THAP5: variants seen among roughly 807,000 people sequenced by gnomAD.
THAP5 encodes THAP domain-containing protein 5.
In THAP5, 26 loss-of-function variants were observed where a neutral mutation model predicts 34.0. The ratio of observed to expected loss-of-function variants is 0.77; its 90% CI spans 0.56 to 1.06. The LOEUF is 1.06. THAP5 is among the 50% of genes least tolerant of loss of function. THAP5 has a pLI of 0.00. For missense variants in THAP5, 394 were observed against 452.8 expected (o/e 0.87, Z 1.18); for synonymous variants, 125 against 153.0 (o/e 0.82, Z 1.35).
chr7:108,555,502 G>T (rs990512405), intron 1 of THAP5, among the ~76,000 whole-genome samples: 1 of 151,714 alleles, frequency 6.6e-6, no homozygotes, highest in Non-Finnish European at 1.5e-5. Context: ...TCTTTCAAAG[G>T]AAAAAGACAG....
the THAP5 span, among the ~76,000 whole-genome samples, chr7:108,545,065 T>C: frequency 9.8e-5 from 15 of 152,360 alleles, no homozygotes; most frequent in South Asian, 8.3e-4. Context: ...ATATTTAGTT[T>C]TATTTTTGTC....
At chr7:108,554,930 A>C (rs1045851113) in intron 1 of THAP5, 1 of 152,250 alleles carries the variant, frequency 6.6e-6, no homozygotes, top group Non-Finnish European at 1.5e-5. Context: ...GATTTCAAAC[A>C]TGATCAAAAT....
the THAP5 span, among the ~76,000 whole-genome samples, chr7:108,544,232 A>C: frequency 1.3e-5 from 2 of 152,132 alleles, no homozygotes; most frequent in Non-Finnish European, 2.9e-5. Context: ...CTTCTAAATA[A>C]AGAAGGACAT....
At chr7:108,551,550 A>G (rs1305834432), downstream of THAP5, among the ~76,000 whole-genome samples, 1 of 152,220 alleles carries the variant, frequency 6.6e-6, no homozygotes, top group East Asian at 1.9e-4. Flanking sequence ...GCATTCTGTT[A>G]TAGCAGTAGA....
At position 108,564,143 on chromosome 7, in the gene THAP5, G is replaced by C. The variant is rs745651772; in HGVS notation, c.*48C>G. On this transcript the variant is annotated 3_prime_UTR_variant, in exon 3 of 3. Transcript: ENST00000415914. ...GTTCACTTTACATGTAGTTTGGTTT[G>C]GCTGGAAAAAGCTTATTTAACAGCC... The C allele has an allele frequency of 5.6e-6, 8 of 1,431,636 alleles. No individual in the cohort carries two copies. Among genetic ancestry groups the C allele is most frequent in the Non-Finnish European group, 7.5e-6 (8 of 1,059,656 alleles). 88.7% of individuals were successfully genotyped at this position (1,431,636 alleles called of 1,614,324 possible).
In THAP5 at chr7:108,564,593, T is replaced by A. The variant is rs1171095006; in HGVS notation, c.786A>T (p.Glu262Asp). The A allele has an allele frequency of 6.2e-7, 1 of 1,613,830 alleles. No homozygotes were observed. Among genetic ancestry groups the A allele is most frequent in the Non-Finnish European group, 8.5e-7 (1 of 1,179,922 alleles). The change falls in exon 3 of 3, where the codon GAA becomes GAT. Residue 262 changes from glutamate to aspartate, a missense_variant. Physicochemically the swap from Glu to Asp is conservative, Grantham distance 45 (BLOSUM62 2). Coordinates refer to ENST00000415914, the MANE Select transcript of THAP5 (RefSeq NM_001130475.3). ...FLFSTINQTV[E>D]ELNTNKESVI... ...CAGATTCTTTATTTGTGTTTAATTC[T>A]TCAACTGTTTGATTAATTGTGCTGA... is the stretch of plus-strand genomic sequence containing the variant.
chr7:108,554,061 C>T (rs1248534721), downstream of THAP5, among the ~76,000 whole-genome samples: 5 of 152,068 alleles, frequency 3.3e-5, 1 homozygote, highest in East Asian at 9.6e-4. Context: ...GAGTTTGGCC[C>T]CCTAACTTTC....
chr7:108,547,827 C>T, the THAP5 span, among the ~76,000 whole-genome samples: 4 of 152,032 alleles, frequency 2.6e-5, no homozygotes, highest in Non-Finnish European at 4.4e-5. Context: ...TGATAAAATA[C>T]GTAAAGAGCT....
downstream of THAP5, among the ~76,000 whole-genome samples, chr7:108,558,381 G>GTATATATATGTATATA (rs1864401842): frequency 1.1e-5 from 1 of 93,824 alleles, no homozygotes; most frequent in African/African-American, 4.6e-5. Flanking sequence ...GTGTGTGTAT[G>GTATATATATGTATATA]TATATATATA....
the THAP5 span, among the ~76,000 whole-genome samples, chr7:108,542,404 A>G: frequency 1.3e-5 from 2 of 152,134 alleles, no homozygotes; most frequent in African/African-American, 4.8e-5. Flanking sequence ...TATATTTCAC[A>G]ATTTCCCTGG....
the THAP5 span, among the ~76,000 whole-genome samples, chr7:108,544,647 G>GTAAT: frequency 5.6e-4 from 85 of 151,804 alleles, no homozygotes; most frequent in East Asian, 1.4e-3. Flanking sequence ...AAATTCTTTA[G>GTAAT]TAATTAATTA....
At chr7:108,542,637 T>A in the THAP5 span, among the ~76,000 whole-genome samples, 1 of 151,830 alleles carries the variant, frequency 6.6e-6, no homozygotes, top group Non-Finnish European at 1.5e-5. Flanking sequence ...TAATTTTTGT[T>A]TTATTGGTAG....
At chr7:108,569,243 T>C in intron 1 of THAP5, 2 of 1,383,054 alleles carry the variant, frequency 1.4e-6, no homozygotes, top group Middle Eastern at 2.7e-4. Context: ...CGCGCAAACT[T>C]TACTGTTTTA....
chr7:108,554,075 C>G (rs538953760), downstream of THAP5, among the ~76,000 whole-genome samples: 4 of 152,298 alleles, frequency 2.6e-5, no homozygotes, highest in South Asian at 8.3e-4. Flanking sequence ...AACTTTCCCT[C>G]TCTTTGCCAT....
chr7:108,555,632 G>A (rs1162078203), intron 1 of THAP5, among the ~76,000 whole-genome samples: 1 of 151,966 alleles, frequency 6.6e-6, no homozygotes, highest in Non-Finnish European at 1.5e-5. Context: ...TGTATAGGAA[G>A]CATGGTTGAG....
downstream of THAP5, among the ~76,000 whole-genome samples, chr7:108,558,009 G>A (rs1227510249): frequency 6.6e-6 from 1 of 152,032 alleles, no homozygotes. Flanking sequence ...TCTTCACTTG[G>A]TGGAGTGGGA....
In THAP5 at chr7:108,564,739, T is replaced by G; in HGVS notation, c.640A>C (p.Ser214Arg). The part of the protein sequence containing the change: ...TITLTTSNSE[S>R]IHQSLETQEV... Reference sequence around the variant, plus strand: ...TGAGTTTCCAAAGATTGATGAATACTTTCTGAATTTGAAGTTGTCAAAGTA... The same window carrying G: ...TGAGTTTCCAAAGATTGATGAATACGTTCTGAATTTGAAGTTGTCAAAGTA... Residue 214 changes from serine (S) to arginine (R), a missense_variant, in exon 3 of 3, where the codon AGT becomes CGT. Ser to Arg is a moderately radical substitution (Grantham distance 110). Transcript: ENST00000415914. 1 of 1,613,508 alleles carries G rather than the reference T, an allele frequency of 6.2e-7. No individual in the cohort carries two copies. Among genetic ancestry groups the G allele is most frequent in the South Asian group, 1.1e-5 (1 of 91,054 alleles).
At position 108,562,255 on chromosome 7, in the gene THAP5, G is replaced by A. The variant is rs2154518007; in HGVS notation, c.*1936C>T. ...AAACTTAACATATCATTACTTTATT[G>A]TGACTCAAGATTATTTTCATCTGTA... is the stretch of plus-strand genomic sequence containing the variant. On this transcript the variant is annotated 3_prime_UTR_variant, in exon 3 of 3. Transcript: ENST00000415914. The A allele has an allele frequency of 6.7e-6, 1 of 150,048 alleles. No homozygotes were observed. The highest frequency in any genetic ancestry group is 2.1e-4 in the South Asian group (1 of 4,760). 9.3% of individuals were successfully genotyped at this position (150,048 alleles called of 1,614,324 possible). A position where few individuals can be genotyped will look rare whatever the true frequency, so the allele number is the denominator to read the frequency against.
Position 108,566,760 on chromosome 7 carries a change from T to A in THAP5, c.81-738A>T, listed in dbSNP as rs561504348. On this transcript the variant is annotated intron_variant, in intron 1 of 2. Coordinates refer to ENST00000415914, the MANE Select transcript of THAP5 (RefSeq NM_001130475.3). Reference sequence around the variant, plus strand: ...TCAAATACAAATGGCAAGACAGCGCTGTATACATTTTGTTCCTGTACCTGA... The same window carrying A: ...TCAAATACAAATGGCAAGACAGCGCAGTATACATTTTGTTCCTGTACCTGA... 2.9e-4 allele frequency among the ~76,000 whole-genome samples: 44 copies of A among 152,304 alleles called. No individual in the cohort carries two copies. In the South Asian group the frequency reaches 8.9e-3, roughly 31 times the overall value.
Sources: allele counts gnomAD v4.1 joint callset (sites outside exome capture counted in the v4.1 genomes callset), GRCh38; gene constraint gnomAD v4.1.1; transcripts MANE v1.5; gene names NCBI Gene and HGNC (gene_info 2026-07-23, HGNC 2026-07-21).